FGD5: variants seen among roughly 807,000 people sequenced by gnomAD.
FGD5 encodes the protein FYVE, RhoGEF and PH domain-containing protein 5.
A neutral mutation model predicts 133.4 loss-of-function variants in FGD5; 28 were observed. That is an observed-to-expected ratio of 0.21 (90% CI 0.16 to 0.29). The LOEUF is 0.29. FGD5 is among the 10% of genes least tolerant of loss of function. The pLI is 1.00. For missense variants in FGD5, 1,858 were observed against 1,895.2 expected (o/e 0.98, Z 0.36); for synonymous variants, 810 against 776.5 (o/e 1.04, Z -0.72).
intron 18 of FGD5, among the ~76,000 whole-genome samples, chr3:14,926,876 A>G (rs1379698899): frequency 6.6e-6 from 1 of 152,034 alleles, no homozygotes; most frequent in Non-Finnish European, 1.5e-5. Context: ...TGGGAGTTAA[A>G]TGTATTCTGA....
intron 4 of FGD5, among the ~76,000 whole-genome samples, chr3:14,883,638 G>A (rs1000532442): frequency 6.6e-6 from 1 of 152,222 alleles, no homozygotes; most frequent in Admixed American, 6.5e-5. Context: ...GATGTTTACT[G>A]TAGGCACTGA....
intron 1 of FGD5, among the ~76,000 whole-genome samples, chr3:14,821,798 G>A (rs1421529471): frequency 6.6e-6 from 1 of 152,146 alleles, no homozygotes; most frequent in Non-Finnish European, 1.5e-5. Flanking sequence ...TCATGGTAGA[G>A]AGTTTAAGAA....
At chr3:14,817,949 A>T (rs2125065933), upstream of FGD5, among the ~76,000 whole-genome samples, 1 of 152,308 alleles carries the variant, frequency 6.6e-6, no homozygotes, top group African/African-American at 2.4e-5. Flanking sequence ...GCAGTCTTGT[A>T]GCAGAGAGAT....
In FGD5 at chr3:14,879,043, G is replaced by A. The variant is rs188482908; in HGVS notation, c.2659-1529G>A. Among the ~76,000 whole-genome samples, 782 of 152,338 alleles carry A rather than the reference G, an allele frequency of 5.1e-3. 4 individuals carry two copies. The highest frequency in any genetic ancestry group is 0.017 in the Middle Eastern group (5 of 294). On this transcript the variant is annotated intron_variant, in intron 2 of 19. Coordinates refer to ENST00000285046, the MANE Select transcript of FGD5 (RefSeq NM_152536.4). ...GCTTTTAACCACAACACTATGCAGT[G>A]ACTTTCTCAGCAGTGATTTTCTCAT...
intron 2 of FGD5, among the ~76,000 whole-genome samples, chr3:14,872,807 C>T (rs2037637838): frequency 6.6e-6 from 1 of 152,218 alleles, no homozygotes; most frequent in Non-Finnish European, 1.5e-5. Context: ...AAATCAGTCT[C>T]TTGTCCAGTC....
Position 14,880,585 on chromosome 3 carries a change from C to T in FGD5, c.2672C>T (p.Ser891Phe), listed in dbSNP as rs370813130. ...PSVTHKVEGQ[S>F]RALVIAQELL... ...TTCCTCCCACAGGTGGAAGGACAGT[C>T]CAGAGCCCTTGTCATCGCACAGGAA... The change falls in exon 3 of 20, where the codon TCC becomes TTC. Residue 891 changes from serine to phenylalanine, a missense_variant. Ser to Phe is a radical substitution (Grantham distance 155). This residue lies in a region of FGD5 where 1,824 missense variants were observed against 1,848.9 expected (regional missense o/e 0.99). Coordinates refer to ENST00000285046, the MANE Select transcript of FGD5 (RefSeq NM_152536.4). 11 of 1,613,814 alleles carry T rather than the reference C, an allele frequency of 6.8e-6. No homozygotes were observed. In the African/African-American group the frequency reaches 1.5e-4, roughly 22 times the overall value.
chr3:14,876,375 G>T (rs938715623), intron 2 of FGD5, among the ~76,000 whole-genome samples: 1 of 152,070 alleles, frequency 6.6e-6, no homozygotes, highest in African/African-American at 2.4e-5. Context: ...ATGATCGAGG[G>T]CCCCAAAGAA....
In FGD5 at chr3:14,933,311, A is replaced by G; in HGVS notation, c.*144A>G. 1 of 804,844 alleles carries G rather than the reference A, an allele frequency of 1.2e-6. No homozygotes were observed. Among genetic ancestry groups the G allele is most frequent in the Non-Finnish European group, 2.1e-6 (1 of 479,194 alleles). 49.9% of individuals were successfully genotyped at this position (804,844 alleles called of 1,614,324 possible). ...CCTTTTTTGCTATAACCGCCCCACC[A>G]CTCCCCTGCCCTTGCCAACATCTTC... On this transcript the variant is annotated 3_prime_UTR_variant, in exon 20 of 20. Coordinates refer to ENST00000285046, the MANE Select transcript of FGD5 (RefSeq NM_152536.4).
chr3:14,859,706 C>T (rs1308600988), intron 1 of FGD5, among the ~76,000 whole-genome samples: 1 of 152,162 alleles, frequency 6.6e-6, no homozygotes, highest in African/African-American at 2.4e-5. Flanking sequence ...AAACCCATTC[C>T]TCATGCCTGT....
chr3:14,856,649 A>AT (rs11294286), intron 1 of FGD5, among the ~76,000 whole-genome samples: 194 of 148,518 alleles, frequency 1.3e-3, no homozygotes, highest in Non-Finnish European at 1.4e-3. Flanking sequence ...TAGTATTGTG[A>AT]TTTTTTTTTT....
At chr3:14,897,320 C>G in intron 4 of FGD5, 189 bp from the exon 5 acceptor site, 1 of 647,922 alleles carries the variant, frequency 1.5e-6, no homozygotes, top group Non-Finnish European at 2.5e-6. Flanking sequence ...TCAGGCAGCC[C>G]TATGGTCGCC....
intron 1 of FGD5, among the ~76,000 whole-genome samples, chr3:14,860,820 A>G (rs2037383322): frequency 6.6e-6 from 1 of 151,364 alleles, no homozygotes; most frequent in Middle Eastern, 3.2e-3. Flanking sequence ...AAAAAAAAAA[A>G]TTTAAAAATT....
rs545013728 is a variant in FGD5, at chr3:14,831,534, T to C, written c.2525+9938T>C. Among the ~76,000 whole-genome samples, 13 of 152,210 alleles carry C rather than the reference T, an allele frequency of 8.5e-5. No homozygotes were observed. In the East Asian group the frequency reaches 2.1e-3, roughly 25 times the overall value. ...TGGAGTGGTTTGGAACCAGTGGCGC[T>C]GAGGTCCCCCATCTGAGTGCTCTTC... On this transcript the variant is annotated intron_variant, in intron 1 of 19. Transcript: ENST00000285046.
Position 14,917,189 on chromosome 3 carries a change from C to G in FGD5, c.3406-60C>G. The G allele has an allele frequency of 6.7e-7, 1 of 1,490,210 alleles. No homozygotes were observed. Among genetic ancestry groups the G allele is most frequent in the Non-Finnish European group, 9.2e-7 (1 of 1,085,104 alleles). 92.3% of individuals were successfully genotyped at this position (1,490,210 alleles called of 1,614,324 possible). On this transcript the variant is annotated intron_variant, in intron 11 of 19. Transcript: ENST00000285046. The surrounding 1 kb of genome is among the most constrained non-coding windows in gnomAD (Gnocchi z 4.1). ...GCGGAGCTCAGGGATCCTTTGAGGA[C>G]AGAAGCCTGGCGCAGCCTTCTGGGG...
chr3:14,922,017 G>A lies in FGD5; in HGVS notation c.3669G>A (p.Glu1223=), dbSNP rs1437277000. ...QALAAFHHSV[E]IRERLGVSLG... ...TGGCTGCATTCCACCATAGCGTGGAGGTGAGTGGGTGGGCAGGGCCCACGG... is the reference window on the plus strand; with the variant it reads ...TGGCTGCATTCCACCATAGCGTGGAAGTGAGTGGGTGGGCAGGGCCCACGG... Residue 1223 remains glutamate (E), a splice_region_variant and synonymous_variant, in exon 14 of 20, where the codon GAG becomes GAA. Transcript: ENST00000285046. The surrounding 1 kb of genome is among the most constrained non-coding windows in gnomAD (Gnocchi z 4.1). The A allele has an allele frequency of 6.4e-7, 1 of 1,556,936 alleles. No individual in the cohort carries two copies. The highest frequency in any genetic ancestry group is 2.4e-5 in the East Asian group (1 of 41,266).
chr3:14,887,324 A>G (rs181023686), intron 4 of FGD5, among the ~76,000 whole-genome samples: 52 of 152,248 alleles, frequency 3.4e-4, no homozygotes, highest in African/African-American at 1.1e-3. Context: ...GTATGTATCC[A>G]GTGAATGAGT....
intron 9 of FGD5, among the ~76,000 whole-genome samples, chr3:14,903,345 A>G (rs1454311858): frequency 6.6e-6 from 1 of 152,094 alleles, no homozygotes; most frequent in African/African-American, 2.4e-5. Context: ...GTTCTCTGTT[A>G]TGAACATCTT....
chr3:14,882,171 C>A, intron 4 of FGD5: 1 of 382,888 alleles, frequency 2.6e-6, no homozygotes, highest in Non-Finnish European at 3.6e-6. Context: ...ATCTATTTGG[C>A]AAAGGCCTGA....
At chr3:14,889,207 G>A (rs1469829432) in intron 4 of FGD5, among the ~76,000 whole-genome samples, 1 of 152,158 alleles carries the variant, frequency 6.6e-6, no homozygotes, top group Non-Finnish European at 1.5e-5. Context: ...GCGTATGTTT[G>A]TACACTTGTA....
Sources: allele counts gnomAD v4.1 joint callset (sites outside exome capture counted in the v4.1 genomes callset), GRCh38; gene constraint gnomAD v4.1.1; regional missense constraint gnomAD v4.1.1; non-coding constraint Gnocchi (gnomAD v3.1); transcripts MANE v1.5; gene names NCBI Gene and HGNC (gene_info 2026-07-23, HGNC 2026-07-21).